ZNF112: variants seen among roughly 807,000 people sequenced by gnomAD.
ZNF112 encodes zinc finger protein 112.
Under a neutral mutation model 77.7 loss-of-function variants are expected in ZNF112, and 37 were observed. The observed-to-expected ratio is 0.48, with a 90% confidence interval of 0.37 to 0.63. The LOEUF is 0.63. Among genes scored for constraint, ZNF112 ranks in the 20% least tolerant of loss-of-function variants. The pLI is 0.00. For synonymous variants in ZNF112, 333 were observed against 363.6 expected (o/e 0.92, Z 0.96); for missense variants, 950 against 1,077.4 (o/e 0.88, Z 1.66).
intron 1 of ZNF112, among the ~76,000 whole-genome samples, chr19:44,348,855 A>G (rs1970642950): frequency 6.6e-6 from 1 of 152,084 alleles, no homozygotes; most frequent in South Asian, 2.1e-4. Flanking sequence ...GCAAACAGAA[A>G]AAAAGGACGT....
chr19:44,367,019 A>C, intron 1 of ZNF112: 2 of 454,726 alleles, frequency 4.4e-6, no homozygotes, highest in South Asian at 3.1e-5. Flanking sequence ...GAGCGCACAA[A>C]ATACAAGAGA....
At chr19:44,357,470 T>C (rs566504773), upstream of ZNF112, among the ~76,000 whole-genome samples, 5 of 152,346 alleles carry the variant, frequency 3.3e-5, no homozygotes, top group South Asian at 1.0e-3. Flanking sequence ...ATTACCTTTT[T>C]ATTCCATTTT....
intron 1 of ZNF112, among the ~76,000 whole-genome samples, chr19:44,354,106 C>T (rs865993779): frequency 2.0e-5 from 3 of 152,068 alleles, no homozygotes; most frequent in African/African-American, 4.8e-5. Flanking sequence ...TAAAAGAATC[C>T]GGTCTCAAAT....
At position 44,328,564 on chromosome 19, in the gene ZNF112, T is replaced by G. The variant is rs1434131347; in HGVS notation, c.1593A>C (p.Arg531Ser). 1 of 1,604,462 alleles carries G rather than the reference T, an allele frequency of 6.2e-7. No homozygotes were observed. Among genetic ancestry groups the G allele is most frequent in the African/African-American group, 1.3e-5 (1 of 74,358 alleles). The change falls in exon 4 of 4, where the codon AGA (arginine) becomes AGC (serine). Residue 531 changes from arginine to serine, a missense_variant. Around this residue, in one of 3 missense-constraint regions of ZNF112, gnomAD observed 373 missense variants for 482.8 expected, o/e 0.77. Coordinates refer to ENST00000354340, the MANE Select transcript of ZNF112 (RefSeq NM_013380.4). ...CNICGKGFNH[R>S]SVLNVHQRVH... ...CTCTCTGATGAACATTCAGAACTGA[T>G]CTATGATTGAAACCTTTGCCGCATA... is the stretch of plus-strand genomic sequence containing the variant.
intron 1 of ZNF112, among the ~76,000 whole-genome samples, chr19:44,342,448 T>C (rs895884182): frequency 1.3e-5 from 2 of 152,154 alleles, no homozygotes; most frequent in Admixed American, 1.3e-4. Context: ...TCAAGATTAT[T>C]TGTAGGAAAA....
rs371938167 is a variant in ZNF112 at position 44,351,276 on chromosome 19, ACAC to A, written c.-4+5347_-4+5349del. ...CATCTTAAACTCCCTAAGTTTAATC[ACAC>A]CAGTAAATATCTCATACCATGTGAA... is the stretch of plus-strand genomic sequence containing the variant. On this transcript the variant is annotated intron_variant, in intron 1 of 3. Transcript: ENST00000354340. Among the ~76,000 whole-genome samples the A allele has an allele frequency of 1.4e-4, 22 of 152,236 alleles. 3 individuals are homozygous for A. The highest frequency in any genetic ancestry group is 5.3e-4 in the African/African-American group (22 of 41,576).
chr19:44,328,930 G>A lies in ZNF112; in HGVS notation c.1227C>T (p.Tyr409=), dbSNP rs1450793778. 4 of 1,613,790 alleles carry A rather than the reference G, an allele frequency of 2.5e-6. No individual in the cohort carries two copies. The highest frequency in any genetic ancestry group is 3.3e-5 in the Admixed American group (2 of 59,958). The part of the protein sequence containing the change: ...HQKIHTEEKL[Y]TDIEYGKSFI... ...AACTCTTTCCATACTCTATATCTGT[G>A]TATAGTTTCTCTTCAGTGTGGATTT... is the stretch of plus-strand genomic sequence containing the variant. The change falls in exon 4 of 4, where the codon TAC becomes TAT. Residue 409 remains tyrosine (Y), a synonymous_variant. Coordinates refer to ENST00000354340, the MANE Select transcript of ZNF112 (RefSeq NM_013380.4).
At chr19:44,339,125 G>C (rs1208972634) in intron 2 of ZNF112, among the ~76,000 whole-genome samples, 1 of 152,156 alleles carries the variant, frequency 6.6e-6, no homozygotes, top group Non-Finnish European at 1.5e-5. Context: ...TGATAGATAA[G>C]ATAAAAACAT....
At chr19:44,353,079 G>A (rs992518637) in intron 1 of ZNF112, among the ~76,000 whole-genome samples, 1 of 152,070 alleles carries the variant, frequency 6.6e-6, no homozygotes, top group Non-Finnish European at 1.5e-5. Context: ...CCAGTCTTAA[G>A]ATTTACTATC....
At chr19:44,345,869 G>A (rs1388124627) in intron 1 of ZNF112, among the ~76,000 whole-genome samples, 2 of 152,080 alleles carry the variant, frequency 1.3e-5, no homozygotes, top group Non-Finnish European at 2.9e-5. Context: ...TTAGAGCAGG[G>A]GTTGGAAAGC....
intron 3 of ZNF112, among the ~76,000 whole-genome samples, chr19:44,330,693 G>A (rs1388319492): frequency 1.3e-5 from 2 of 152,178 alleles, no homozygotes; most frequent in African/African-American, 4.8e-5. Context: ...CTAAGATCAT[G>A]CCACTGCACT....
At chr19:44,348,210 G>GTTTC (rs1334612829) in intron 1 of ZNF112, among the ~76,000 whole-genome samples, 1 of 152,050 alleles carries the variant, frequency 6.6e-6, no homozygotes, top group African/African-American at 2.4e-5. Context: ...TATTCAACGA[G>GTTTC]TTTCTGGAAT....
At position 44,329,819 on chromosome 19, in the gene ZNF112, C is replaced by A. The variant is rs1204140457; in HGVS notation, c.338G>T (p.Cys113Phe). Residue 113 changes from cysteine (C) to phenylalanine (F), a missense_variant, in exon 4 of 4, where the codon TGT becomes TTT. This residue lies in a region of ZNF112 where 560 missense variants were observed against 557.3 expected (regional missense o/e 1.00). Coordinates refer to ENST00000354340, the MANE Select transcript of ZNF112 (RefSeq NM_013380.4). ...WQQSAGGLIR[C>F]QDFLKVFQGK... ...TTGAAAAACTTTCAGGAAATCTTGA[C>A]ACCTGATTAACCCACCTGCACTTTG... 1 of 1,613,980 alleles carries A rather than the reference C, an allele frequency of 6.2e-7. No individual in the cohort carries two copies. The highest frequency in any genetic ancestry group is 1.3e-5 in the African/African-American group (1 of 75,044).
chr19:44,328,045 A>T lies in ZNF112; in HGVS notation c.2112T>A (p.Ser704Arg). ...KSFSQRSYLQ[S>R]HQSVHSGERP... ...TTTCTCCAGAATGGACACTCTGATG[A>T]CTCTGAAGGTATGATCTCTGACTGA... Residue 704 changes from serine (S) to arginine (R), a missense_variant, in exon 4 of 4, where the codon AGT (serine) becomes AGA (arginine). By Grantham distance (110) the Ser-to-Arg change is moderately radical. This residue lies in a region of ZNF112 where 373 missense variants were observed against 482.8 expected (regional missense o/e 0.77). Coordinates refer to ENST00000354340, the MANE Select transcript of ZNF112 (RefSeq NM_013380.4). 4 of 1,613,086 alleles carry T rather than the reference A, an allele frequency of 2.5e-6. No homozygotes were observed. Among genetic ancestry groups the T allele is most frequent in the Non-Finnish European group, 3.4e-6 (4 of 1,179,816 alleles).
At chr19:44,347,548 C>T (rs1261481905) in intron 1 of ZNF112, among the ~76,000 whole-genome samples, 2 of 82,392 alleles carry the variant, frequency 2.4e-5, no homozygotes, top group South Asian at 3.7e-4. Flanking sequence ...GGCTATATGT[C>T]CTTTTTTTTT....
exon 1 of ZNF112, chr19:44,367,159 G>A (rs866628793): frequency 2.2e-6 from 1 of 456,100 alleles, no homozygotes. Flanking sequence ...CAGGCTAAAC[G>A]AAACATTGCT....
chr19:44,361,384 G>A (rs1339153806), upstream of ZNF112, among the ~76,000 whole-genome samples: 3 of 152,100 alleles, frequency 2.0e-5, no homozygotes, highest in African/African-American at 4.8e-5. Context: ...TTCTGAATGT[G>A]AGTGATATTT....
At chr19:44,340,351 A>G in intron 2 of ZNF112, 65 bp downstream of exon 2, 2 of 1,564,470 alleles carry the variant, frequency 1.3e-6, no homozygotes, top group South Asian at 2.4e-5. Context: ...AGAGTTTCTA[A>G]CAATTGAGCA....
intron 1 of ZNF112, among the ~76,000 whole-genome samples, chr19:44,347,100 T>C (rs540815920): frequency 1.3e-5 from 2 of 152,240 alleles, no homozygotes; most frequent in South Asian, 4.1e-4. Context: ...CATGTAACTG[T>C]TGTTTTGTAG....
Sources: gnomAD v4.1 joint callset for allele counts (sites outside exome capture counted in the v4.1 genomes callset) on GRCh38, gnomAD v4.1.1 for gene constraint, gnomAD v4.1.1 regional missense constraint, MANE v1.5 for transcripts, NCBI Gene and HGNC (gene_info 2026-07-23, HGNC 2026-07-21) for gene names.